Variants in TBC1D8 observed in about 807,000 individuals in gnomAD.
The protein encoded by TBC1D8 is TBC1 domain family member 8, also known as BUB2-like protein 1.
In TBC1D8, 65 loss-of-function variants were observed where a neutral mutation model predicts 118.8. That is an observed-to-expected ratio of 0.55 (90% CI 0.45 to 0.67). The LOEUF (loss-of-function observed/expected upper bound fraction) is 0.67. Ranked by LOEUF, TBC1D8 falls within the 30% of genes least tolerant of loss-of-function variation. The pLI is 0.00. For missense variants in TBC1D8, 1,376 were observed against 1,471.2 expected (o/e 0.94, Z 1.06); for synonymous variants, 566 against 595.8 (o/e 0.95, Z 0.73).
intron 1 of TBC1D8, among the ~76,000 whole-genome samples, chr2:101,093,063 G>A (rs766850509): frequency 3.9e-5 from 6 of 152,020 alleles, no homozygotes; most frequent in South Asian, 2.1e-4. Flanking sequence ...AGACCTTTAC[G>A]ATGATCCCTT....
chr2:101,010,144 T>C (rs559977703), intron 19 of TBC1D8, among the ~76,000 whole-genome samples: 4 of 152,266 alleles, frequency 2.6e-5, no homozygotes, highest in Admixed American at 2.6e-4. Context: ...TAAGCCTACA[T>C]TTCCTAAACA....
intron 2 of TBC1D8, among the ~76,000 whole-genome samples, chr2:101,063,741 C>T (rs1682881509): frequency 6.6e-6 from 1 of 151,802 alleles, no homozygotes; most frequent in Non-Finnish European, 1.5e-5. Flanking sequence ...TAAAGTAGCA[C>T]ATCTGAAAAT....
chr2:101,038,288 G>A (rs1254466505), intron 7 of TBC1D8, among the ~76,000 whole-genome samples, 173 bp downstream of exon 7: 2 of 152,044 alleles, frequency 1.3e-5, no homozygotes, highest in African/African-American at 4.8e-5. Flanking sequence ...CCAAGCTGTG[G>A]GGCAATTCCC....
At chr2:101,106,942 G>A (rs1677260412) in intron 1 of TBC1D8, among the ~76,000 whole-genome samples, 1 of 152,234 alleles carries the variant, frequency 6.6e-6, no homozygotes, top group Non-Finnish European at 1.5e-5. Context: ...TTCTGAGAAC[G>A]TTTAAGGTGG....
chr2:101,124,253 C>G (rs1006006304), intron 1 of TBC1D8, among the ~76,000 whole-genome samples: 6 of 152,144 alleles, frequency 3.9e-5, no homozygotes, highest in Admixed American at 6.5e-5. Flanking sequence ...AGAATTCAAA[C>G]CTTCTCTCTT....
intron 10 of TBC1D8, chr2:101,032,598 C>T: frequency 2.0e-6 from 1 of 505,282 alleles, no homozygotes; most frequent in Non-Finnish European, 3.6e-6. Flanking sequence ...GGCCACCACT[C>T]AGCTCCGGTC....
intron 1 of TBC1D8, among the ~76,000 whole-genome samples, chr2:101,101,281 C>T (rs1209532507): frequency 6.6e-6 from 1 of 152,120 alleles, no homozygotes; most frequent in African/African-American, 2.4e-5. Context: ...ACGCAGCCAA[C>T]AAACGTATGA....
intron 2 of TBC1D8, among the ~76,000 whole-genome samples, chr2:101,067,061 T>A (rs1683057080): frequency 6.6e-6 from 1 of 152,034 alleles, no homozygotes; most frequent in Admixed American, 6.6e-5. Context: ...CTGTTTCTGG[T>A]GGCCTCTGAC....
rs1020080402 is a variant in TBC1D8, at chr2:101,097,010, C to CA, written c.128-6647dup. ...AGAGAACACTAAGCAAAATAAATGT[C>CA]AAAAAAAATTGGTAAATCATATTCA... On this transcript the variant is annotated intron_variant, in intron 1 of 19. Transcript: ENST00000409318. Among the ~76,000 whole-genome samples the CA allele has an allele frequency of 7.3e-5, 11 of 151,194 alleles. No individual in the cohort carries two copies. In the East Asian group the frequency reaches 1.7e-3, roughly 24 times the overall value.
intron 1 of TBC1D8, among the ~76,000 whole-genome samples, chr2:101,099,806 C>A (rs549846912): frequency 1.3e-5 from 2 of 152,266 alleles, no homozygotes; most frequent in African/African-American, 4.8e-5. Flanking sequence ...TGATAAAATT[C>A]AACATCCCTT....
At chr2:101,032,587 C>A (rs955378190) in intron 10 of TBC1D8, 2 of 515,102 alleles carry the variant, frequency 3.9e-6, no homozygotes, top group Middle Eastern at 5.1e-4. Context: ...GCTGAGCGAT[C>A]GGCCACCACT....
Position 101,010,987 on chromosome 2 carries a change from A to T in TBC1D8, c.2957T>A (p.Ile986Asn). ...ATCTTTTTCTTTGGCTAAATCCTTA[A>T]TCATCTGCTTCAGCTGTTTCTGATA... ...VDYQKQLKQM[I>N]KDLAKEKDKT... Residue 986 changes from isoleucine to asparagine, a missense_variant, in exon 19 of 20, where the codon ATT becomes AAT. By Grantham distance (149) the Ile-to-Asn change is moderately radical (BLOSUM62 -3). Coordinates refer to ENST00000409318, the MANE Select transcript of TBC1D8 (RefSeq NM_001330348.2). 1 of 1,613,138 alleles carries T rather than the reference A, an allele frequency of 6.2e-7. No individual in the cohort carries two copies. The highest frequency in any genetic ancestry group is 8.5e-7 in the Non-Finnish European group (1 of 1,179,890).
intron 1 of TBC1D8, among the ~76,000 whole-genome samples, chr2:101,148,487 A>G (rs555901908): frequency 6.6e-6 from 1 of 152,340 alleles, no homozygotes; most frequent in African/African-American, 2.4e-5. Context: ...CTATGGAGAG[A>G]AATAAACCTG....
chr2:101,028,195 T>C, intron 13 of TBC1D8, 49 bp from the exon 14 acceptor site: 1 of 1,609,726 alleles, frequency 6.2e-7, no homozygotes, highest in Non-Finnish European at 8.5e-7. Flanking sequence ...TCATCCAAAG[T>C]GTGGAAACAG....
intron 10 of TBC1D8, 57 bp downstream of exon 10, chr2:101,033,487 G>A (rs925532618): frequency 1.9e-6 from 3 of 1,599,612 alleles, no homozygotes; most frequent in Admixed American, 1.7e-5. Flanking sequence ...ACCCTGGGAA[G>A]GACAACATGA....
chr2:101,027,997 A>G, intron 14 of TBC1D8, 51 bp downstream of exon 14: 1 of 1,549,530 alleles, frequency 6.5e-7, no homozygotes, highest in Non-Finnish European at 8.9e-7. Flanking sequence ...GCGCACTCCC[A>G]GGTTGGCTCC....
chr2:101,038,164 C>T (rs182070566), intron 7 of TBC1D8, among the ~76,000 whole-genome samples: 293 of 152,262 alleles, frequency 1.9e-3, no homozygotes, highest in African/African-American at 6.7e-3. Context: ...ACCTCAGGGC[C>T]GACAAAGCTC....
chr2:101,037,602 G>A lies in TBC1D8; in HGVS notation c.1382C>T (p.Pro461Leu), dbSNP rs769153426. Residue 461 changes from proline to leucine, a missense_variant, in exon 8 of 20, where the codon CCG becomes CTG. Transcript: ENST00000409318. ...NSEESEKEKS[P>L]LMHPDALVTA... is the part of the protein sequence containing the mutation. ...GACCAGGGCATCGGGGTGCATCAGC[G>A]GGCTCTTCTCTTTCTCACTCTCCTC... The A allele has an allele frequency of 8.7e-6, 14 of 1,613,534 alleles. No homozygotes were observed. The highest frequency in any genetic ancestry group is 4.5e-5 in the East Asian group (2 of 44,884).
chr2:101,112,862 G>A (rs761819840), intron 1 of TBC1D8, among the ~76,000 whole-genome samples: 82 of 152,212 alleles, frequency 5.4e-4, no homozygotes, highest in African/African-American at 5.3e-4. Flanking sequence ...TAACGGCACA[G>A]GCAGCACTCT....
Sources: allele counts gnomAD v4.1 joint callset (sites outside exome capture counted in the v4.1 genomes callset), GRCh38; gene constraint gnomAD v4.1.1; transcripts MANE v1.5; gene names NCBI Gene and HGNC (gene_info 2026-07-23, HGNC 2026-07-21).